Variants in FBXL13 observed in about 807,000 individuals in gnomAD.
FBXL13 encodes F-box and leucine rich repeat protein 13.
Under a neutral mutation model 83.6 loss-of-function variants are expected in FBXL13, and 67 were observed. That is an observed-to-expected ratio of 0.80 (90% CI 0.66 to 0.98). The LOEUF (loss-of-function observed/expected upper bound fraction) is 0.98. Ranked by LOEUF, FBXL13 falls within the 50% of genes least tolerant of loss-of-function variation. FBXL13 has a pLI of 0.00. For synonymous variants in FBXL13, 272 were observed against 299.5 expected (o/e 0.91, Z 0.95); for missense variants, 822 against 866.5 (o/e 0.95, Z 0.64).
At chr7:103,065,301 T>C (rs1209186343) in intron 1 of FBXL13, among the ~76,000 whole-genome samples, 1 of 152,260 alleles carries the variant, frequency 6.6e-6, no homozygotes, top group Non-Finnish European at 1.5e-5. Flanking sequence ...GTGATTTTTG[T>C]ATCATCTATA....
At chr7:102,879,918 G>A (rs1042003434) in intron 14 of FBXL13, among the ~76,000 whole-genome samples, 8 of 152,160 alleles carry the variant, frequency 5.3e-5, no homozygotes, top group African/African-American at 1.9e-4. Flanking sequence ...ATGTTAGCCA[G>A]GATGGTCTCG....
intron 1 of FBXL13, among the ~76,000 whole-genome samples, chr7:103,060,040 A>AT (rs1797730207): frequency 1.0e-5 from 1 of 97,000 alleles, no homozygotes; most frequent in Non-Finnish European, 2.0e-5. Flanking sequence ...ATATATATAT[A>AT]TATATATATA....
chr7:102,919,422 C>T (rs1355953681), intron 10 of FBXL13, among the ~76,000 whole-genome samples: 1 of 152,032 alleles, frequency 6.6e-6, no homozygotes, highest in Non-Finnish European at 1.5e-5. Context: ...TGCATTGAAG[C>T]ATTAAGAATA....
chr7:103,040,699 CT>C (rs1307557782), intron 2 of FBXL13, among the ~76,000 whole-genome samples: 1 of 152,144 alleles, frequency 6.6e-6, no homozygotes, highest in Non-Finnish European at 1.5e-5. Flanking sequence ...TACATGGAAA[CT>C]GAACAACCTG....
intron 10 of FBXL13, among the ~76,000 whole-genome samples, chr7:102,917,427 C>T (rs1816123283): frequency 6.6e-6 from 1 of 152,160 alleles, no homozygotes; most frequent in South Asian, 2.1e-4. Context: ...CTTGCACATA[C>T]TAGTTGATCA....
intron 11 of FBXL13, among the ~76,000 whole-genome samples, chr7:102,888,853 G>A (rs780587837): frequency 6.6e-6 from 1 of 152,122 alleles, no homozygotes; most frequent in Non-Finnish European, 1.5e-5. Flanking sequence ...TGCTGGGTTT[G>A]GAGTTAGCTG....
At chr7:102,973,402 C>T (rs1826987195) in intron 6 of FBXL13, 1 of 695,530 alleles carries the variant, frequency 1.4e-6, no homozygotes, top group African/African-American at 1.8e-5. Context: ...AGAAACAGGC[C>T]ATCTGGGTAC....
intron 19 of FBXL13, 88 bp from the exon 21 acceptor site, chr7:102,813,619 A>C: frequency 7.6e-7 from 1 of 1,315,240 alleles, no homozygotes; most frequent in Non-Finnish European, 1.1e-6. Context: ...GAGTTAGGGA[A>C]TTCACTGTCA....
chr7:102,839,939 A>G (rs1030257363), intron 17 of FBXL13, among the ~76,000 whole-genome samples: 12 of 152,170 alleles, frequency 7.9e-5, no homozygotes, highest in African/African-American at 2.9e-4. Flanking sequence ...TGTGTTGTTC[A>G]TTTGCTGGAG....
At chr7:102,841,941 T>C (rs1584559150) in intron 17 of FBXL13, among the ~76,000 whole-genome samples, 1 of 152,292 alleles carries the variant, frequency 6.6e-6, no homozygotes, top group East Asian at 1.9e-4. Flanking sequence ...CTACCAGATA[T>C]CCCCACTACC....
chr7:102,970,652 T>C (rs1250252014), intron 6 of FBXL13, among the ~76,000 whole-genome samples: 1 of 151,396 alleles, frequency 6.6e-6, no homozygotes, highest in African/African-American at 2.4e-5. Context: ...GAAAAGGAAG[T>C]CCAACAAGAT....
intron 10 of FBXL13, among the ~76,000 whole-genome samples, chr7:102,916,933 AT>A (rs1816006755): frequency 6.6e-6 from 1 of 152,186 alleles, no homozygotes; most frequent in African/African-American, 2.4e-5. Flanking sequence ...CCATTAAAGA[AT>A]TGAAGTCATT....
intron 2 of FBXL13, among the ~76,000 whole-genome samples, chr7:103,048,831 T>C (rs1796536392): frequency 6.6e-6 from 1 of 152,224 alleles, no homozygotes; most frequent in Non-Finnish European, 1.5e-5. Flanking sequence ...TTTAAAACAA[T>C]CCTTTAACCC....
intron 10 of FBXL13, among the ~76,000 whole-genome samples, chr7:102,921,123 G>A (rs1816912174): frequency 6.6e-6 from 1 of 152,158 alleles, no homozygotes; most frequent in African/African-American, 2.4e-5. Context: ...TTGCACTCCA[G>A]CCTGGGCAAC....
At chr7:102,963,289 C>G (rs1480173197) in intron 8 of FBXL13, among the ~76,000 whole-genome samples, 1 of 151,438 alleles carries the variant, frequency 6.6e-6, no homozygotes, top group African/African-American at 2.4e-5. Context: ...CCACTGCACT[C>G]CAGCCTGGGA....
intron 2 of FBXL13, among the ~76,000 whole-genome samples, chr7:103,043,229 A>T (rs928253306): frequency 2.0e-5 from 3 of 152,244 alleles, no homozygotes; most frequent in Non-Finnish European, 4.4e-5. Flanking sequence ...AAAGCTCATC[A>T]TCACTGGTCA....
intron 19 of FBXL13, among the ~76,000 whole-genome samples, chr7:102,816,847 G>A (rs1798077237): frequency 6.6e-6 from 1 of 152,198 alleles, no homozygotes; most frequent in Non-Finnish European, 1.5e-5. Flanking sequence ...TTTTAAGTGA[G>A]AACATGCAGT....
intron 11 of FBXL13, among the ~76,000 whole-genome samples, chr7:102,912,680 C>CA (rs1457728539): frequency 2.9e-5 from 4 of 138,274 alleles, no homozygotes; most frequent in South Asian, 5.0e-4. Flanking sequence ...TACCCCCCCC[C>CA]CCCCAAAAAA....
intron 8 of FBXL13, among the ~76,000 whole-genome samples, chr7:102,956,613 A>G (rs1275128691): frequency 6.6e-6 from 1 of 152,228 alleles, no homozygotes; most frequent in Non-Finnish European, 1.5e-5. Flanking sequence ...TGCAGATGAC[A>G]TGATTGTACA....
Sources: gnomAD v4.1 joint callset for allele counts (sites outside exome capture counted in the v4.1 genomes callset) on GRCh38, gnomAD v4.1.1 for gene constraint, MANE v1.5 for transcripts, NCBI Gene and HGNC (gene_info 2026-07-23, HGNC 2026-07-21) for gene names.